NEGR1: variants seen among roughly 807,000 people sequenced by gnomAD.
NEGR1 encodes IgLON family member 4.
A neutral mutation model predicts 40.9 loss-of-function variants in NEGR1; 10 were observed. The ratio of observed to expected loss-of-function variants is 0.24; its 90% CI spans 0.15 to 0.42. NEGR1 has a LOEUF of 0.42. Ranked by LOEUF, NEGR1 falls within the 10% of genes least tolerant of loss-of-function variation. The pLI, the probability that NEGR1 is intolerant of heterozygous loss-of-function variation, is 1.00. For synonymous variants in NEGR1, 185 were observed against 166.8 expected (o/e 1.11, Z -0.84); for missense variants, 352 against 438.9 (o/e 0.80, Z 1.77).
chr1:71,833,274 A>C lies in NEGR1; in HGVS notation c.410-56977T>G, dbSNP rs1478163426. ...ACTTTTTGCACCTGGCAGTAACAAG[A>C]TGTTAGGACTTTGCTTTGCAATAGT... On this transcript the variant is annotated intron_variant, in intron 2 of 6. Transcript: ENST00000357731. 2.6e-5 allele frequency among the ~76,000 whole-genome samples: 4 copies of C among 152,084 alleles called. No homozygotes were observed. The South Asian group carries it at 8.3e-4, about 32-fold the overall frequency.
chr1:72,036,390 T>A (rs527754238), intron 1 of NEGR1, among the ~76,000 whole-genome samples: 84 of 152,192 alleles, frequency 5.5e-4, no homozygotes, highest in African/African-American at 2.0e-3. Flanking sequence ...GCACGTTGGC[T>A]CACACCCATA....
intron 2 of NEGR1, among the ~76,000 whole-genome samples, chr1:71,915,821 G>T (rs1661560665): frequency 6.6e-6 from 1 of 152,180 alleles, no homozygotes. Flanking sequence ...CATATATTGA[G>T]AAGTATAAAT....
chr1:71,648,377 A>G (rs1034617244), intron 4 of NEGR1, among the ~76,000 whole-genome samples: 2 of 152,038 alleles, frequency 1.3e-5, no homozygotes, highest in African/African-American at 4.8e-5. Context: ...AGTAATTCTG[A>G]TAACATCAAA....
At chr1:71,821,573 AG>A (rs1658431325) in intron 2 of NEGR1, among the ~76,000 whole-genome samples, 1 of 152,014 alleles carries the variant, frequency 6.6e-6, no homozygotes, top group Admixed American at 6.6e-5. Context: ...GAAGAGGTTC[AG>A]GCTAAGGTGC....
chr1:72,276,135 G>A (rs944690865), intron 1 of NEGR1, among the ~76,000 whole-genome samples: 2 of 151,938 alleles, frequency 1.3e-5, no homozygotes, highest in Admixed American at 6.6e-5. Context: ...GTCATGTGAT[G>A]TCTATACTGT....
rs371729476 is a variant in NEGR1, at chr1:71,797,688, T to C, written c.410-21391A>G. ...CTGTTGGATTGAAGAGCTTAAGCAG[T>C]CTTTCCTGTTTTCTTTTTTTAAGTT... On this transcript the variant is annotated intron_variant, in intron 2 of 6. Transcript: ENST00000357731. Among the ~76,000 whole-genome samples, 45 of 152,238 alleles carry C rather than the reference T, an allele frequency of 3.0e-4. No homozygotes were observed. The East Asian group carries it at 6.4e-3, about 22-fold the overall frequency.
intron 2 of NEGR1, among the ~76,000 whole-genome samples, chr1:71,914,966 C>G (rs1457913384): frequency 2.0e-5 from 3 of 152,008 alleles, no homozygotes; most frequent in African/African-American, 7.2e-5. Flanking sequence ...TGCTAATGGC[C>G]ATCATTTTGT....
chr1:72,006,193 T>C (rs1315966525), intron 1 of NEGR1, among the ~76,000 whole-genome samples: 1 of 152,214 alleles, frequency 6.6e-6, no homozygotes, highest in Non-Finnish European at 1.5e-5. Flanking sequence ...GATTTCTATT[T>C]TCCTAATGCA....
intron 1 of NEGR1, among the ~76,000 whole-genome samples, chr1:71,953,707 C>A (rs375657518): frequency 1.2e-4 from 18 of 152,072 alleles, no homozygotes; most frequent in African/African-American, 4.3e-4. Context: ...CCACCCTATC[C>A]TTCTGCAACC....
intron 2 of NEGR1, among the ~76,000 whole-genome samples, chr1:71,885,706 TACTC>T (rs1660704700): frequency 6.6e-6 from 1 of 152,156 alleles, no homozygotes. Context: ...AATAGAGAAG[TACTC>T]AATATTTTAG....
chr1:71,868,208 C>A (rs1292316188), intron 2 of NEGR1, among the ~76,000 whole-genome samples: 18 of 152,036 alleles, frequency 1.2e-4, no homozygotes, highest in Non-Finnish European at 1.5e-5. Context: ...GCACAATATT[C>A]CTGGAAAATA....
chr1:72,126,705 A>C (rs1013262403), intron 1 of NEGR1, among the ~76,000 whole-genome samples: 2 of 152,158 alleles, frequency 1.3e-5, no homozygotes, highest in African/African-American at 4.8e-5. Context: ...TTTCATAAAG[A>C]CTGACAGTAG....
At chr1:72,168,571 A>C (rs1209029563) in intron 1 of NEGR1, among the ~76,000 whole-genome samples, 1 of 152,134 alleles carries the variant, frequency 6.6e-6, no homozygotes, top group Non-Finnish European at 1.5e-5. Context: ...ACCATGTAAT[A>C]GCCATGAAAG....
At chr1:71,577,422 T>C (rs2101500278) in intron 6 of NEGR1, among the ~76,000 whole-genome samples, 1 of 152,202 alleles carries the variant, frequency 6.6e-6, no homozygotes, top group South Asian at 2.1e-4. Flanking sequence ...CTGTCAACAA[T>C]GTTGGAGGAG....
chr1:72,081,108 C>A (rs966566351), intron 1 of NEGR1, among the ~76,000 whole-genome samples: 1 of 152,106 alleles, frequency 6.6e-6, no homozygotes, highest in African/African-American at 2.4e-5. Context: ...TACATACTTT[C>A]AGTTGTACTG....
chr1:71,932,965 T>C (rs1645869099), intron 2 of NEGR1, among the ~76,000 whole-genome samples: 1 of 152,134 alleles, frequency 6.6e-6, no homozygotes, highest in African/African-American at 2.4e-5. Flanking sequence ...TTAATGTAAT[T>C]TGAAAACCGC....
At chr1:71,504,433 G>T (rs1274217656) in intron 6 of NEGR1, among the ~76,000 whole-genome samples, 4 of 152,034 alleles carry the variant, frequency 2.6e-5, no homozygotes, top group African/African-American at 9.7e-5. Context: ...CACAGAGAAA[G>T]AAGAGAAATG....
chr1:72,088,159 T>G (rs1158978736), intron 1 of NEGR1, among the ~76,000 whole-genome samples: 2 of 152,180 alleles, frequency 1.3e-5, no homozygotes, highest in Non-Finnish European at 2.9e-5. Context: ...GAGCTACTCC[T>G]ATTAATCATC....
intron 3 of NEGR1, among the ~76,000 whole-genome samples, chr1:71,774,145 T>C (rs1656421749): frequency 6.6e-6 from 1 of 152,196 alleles, no homozygotes; most frequent in African/African-American, 2.4e-5. Flanking sequence ...TAGCCAAGGA[T>C]TATTATCATG....
Sources: allele counts gnomAD v4.1 joint callset (sites outside exome capture counted in the v4.1 genomes callset), GRCh38; gene constraint gnomAD v4.1.1; transcripts MANE v1.5; gene names NCBI Gene and HGNC (gene_info 2026-07-23, HGNC 2026-07-21).